The following ANAPC1 variants were observed in gnomAD, a reference collection of about 807,000 sequenced individuals.
ANAPC1 encodes the protein anaphase-promoting complex subunit 1.
ANAPC1 carries 36 observed loss-of-function variants against 208.0 expected under a neutral mutation model. The observed-to-expected ratio is 0.17, with a 90% confidence interval of 0.13 to 0.23. The LOEUF (loss-of-function observed/expected upper bound fraction) is 0.23, where lower values mean the gene tolerates loss of function less well. Among genes scored for constraint, ANAPC1 ranks in the 10% least tolerant of loss-of-function variants. The pLI is 1.00. For synonymous variants in ANAPC1, 378 were observed against 695.2 expected (o/e 0.54, Z 7.18); for missense variants, 942 against 2,011.6 (o/e 0.47, Z 10.17).
intron 47 of ANAPC1, among the ~76,000 whole-genome samples, chr2:111,771,390 G>A (rs1176614052): frequency 1.2e-4 from 18 of 152,172 alleles, no homozygotes; most frequent in South Asian, 2.1e-4. Flanking sequence ...GATTTCTATT[G>A]TTCTCTCCTG....
chr2:111,861,490 G>A (rs34711729), intron 10 of ANAPC1, among the ~76,000 whole-genome samples: 28,482 of 150,914 alleles, frequency 0.19, 2,956 homozygotes, highest in Middle Eastern at 0.3. Context: ...CCCAGCTGCC[G>A]TCTGTGGTCT....
chr2:111,873,431 G>A (rs776994784), intron 4 of ANAPC1, 23 bp from the exon 5 acceptor site: 3 of 1,598,938 alleles, frequency 1.9e-6, no homozygotes, highest in South Asian at 2.2e-5. Context: ...GGTACAACAA[G>A]ACTTATGTGT....
At position 111,879,875 on chromosome 2, in the gene ANAPC1, G is replaced by GA. The variant is rs1333149249; in HGVS notation, c.213+737dup. Among the ~76,000 whole-genome samples, 69 of 143,952 alleles carry GA rather than the reference G, an allele frequency of 4.8e-4. 1 individual carries two copies. Among genetic ancestry groups the GA allele is most frequent in the Admixed American group, 1.5e-3 (22 of 14,472 alleles). 94.4% of individuals were successfully genotyped at this position (143,952 alleles called of 152,430 possible). A position where few individuals can be genotyped will look rare whatever the true frequency, so the allele number is the denominator to read the frequency against. On this transcript the variant is annotated intron_variant, in intron 2 of 47. Transcript: ENST00000341068. ...CAACAAAAGTGAAACTCCGTCTCAG[G>GA]AAAAAAAAAAAGCTATTACTCTACC...
chr2:111,837,549 G>A (rs1680533735), intron 18 of ANAPC1, among the ~76,000 whole-genome samples: 1 of 152,142 alleles, frequency 6.6e-6, no homozygotes, highest in African/African-American at 2.4e-5. Context: ...CAACCCAGGA[G>A]GTGGAGAGCC....
intron 46 of ANAPC1, among the ~76,000 whole-genome samples, chr2:111,774,660 TAAA>T (rs58590453): frequency 0.031 from 138 of 4,458 alleles, 4 homozygotes; most frequent in East Asian, 0.072. Flanking sequence ...TGACAAGTCT[TAAA>T]AAAAAAAAAA....
intron 38 of ANAPC1, among the ~76,000 whole-genome samples, chr2:111,789,806 C>T (rs1161862357): frequency 1.3e-5 from 2 of 152,022 alleles, no homozygotes; most frequent in Admixed American, 6.6e-5. Flanking sequence ...AAAATCAATT[C>T]GATACGAAAG....
intron 38 of ANAPC1, among the ~76,000 whole-genome samples, chr2:111,789,119 A>C (rs200189929): frequency 3.9e-5 from 6 of 152,330 alleles, no homozygotes; most frequent in East Asian, 1.9e-4. Flanking sequence ...GCCTGGGCGA[A>C]AGAGCGAGAC....
At chr2:111,882,020 T>A (rs1015670311) in intron 1 of ANAPC1, among the ~76,000 whole-genome samples, 1 of 152,094 alleles carries the variant, frequency 6.6e-6, no homozygotes, top group South Asian at 2.1e-4. Flanking sequence ...CCATCTCTAC[T>A]AAAAATACAA....
In ANAPC1 at chr2:111,814,891, C is replaced by T. The variant is rs1679154053; in HGVS notation, c.3597+479G>A. Among the ~76,000 whole-genome samples, 3 of 151,714 alleles carry T rather than the reference C, an allele frequency of 2.0e-5. No homozygotes were observed. In the South Asian group the frequency reaches 6.3e-4, roughly 32 times the overall value. Reference sequence around the variant, plus strand: ...CTCTCATTCCTGTTTGGCATGCTCTCTCCTGATTGGTCCTTATCCTTCACC... The same window carrying T: ...CTCTCATTCCTGTTTGGCATGCTCTTTCCTGATTGGTCCTTATCCTTCACC... On this transcript the variant is annotated intron_variant, in intron 28 of 47. Coordinates refer to ENST00000341068, the MANE Select transcript of ANAPC1 (RefSeq NM_022662.4).
chr2:111,874,237 T>G (rs1682907530), intron 3 of ANAPC1, among the ~76,000 whole-genome samples: 1 of 150,588 alleles, frequency 6.6e-6, no homozygotes, highest in African/African-American at 2.5e-5. Context: ...GCATTTTGTG[T>G]TTTTTTTTAA....
intron 39 of ANAPC1, among the ~76,000 whole-genome samples, chr2:111,787,020 G>T (rs1324686689): frequency 1.8e-4 from 26 of 147,960 alleles, no homozygotes; most frequent in African/African-American, 6.5e-4. Context: ...GTGGTGGCAG[G>T]TGCCTGTAGT....
intron 43 of ANAPC1, 69 bp downstream of exon 43, chr2:111,782,300 A>G (rs1327138115): frequency 6.3e-7 from 1 of 1,597,892 alleles, no homozygotes; most frequent in African/African-American, 1.3e-5. Context: ...TTTGAAGTTT[A>G]TAGCAATGGG....
chr2:111,847,462 G>A (rs1681154502), intron 15 of ANAPC1, among the ~76,000 whole-genome samples: 1 of 152,144 alleles, frequency 6.6e-6, no homozygotes, highest in Non-Finnish European at 1.5e-5. Context: ...TACTTTTAAT[G>A]AGAAGACAAA....
At chr2:111,882,833 G>A (rs1221163171) in intron 1 of ANAPC1, among the ~76,000 whole-genome samples, 2 of 151,694 alleles carry the variant, frequency 1.3e-5, no homozygotes, top group Admixed American at 6.6e-5. Flanking sequence ...AATGAGTACT[G>A]GGACACTTGA....
At chr2:111,816,262 T>G (rs184243719) in intron 27 of ANAPC1, among the ~76,000 whole-genome samples, 2,968 of 146,118 alleles carry the variant, frequency 0.02, 64 homozygotes, top group African/African-American at 0.074. Flanking sequence ...AGACTGCATC[T>G]CAAAAAAGAA....
rs1558700221 is a variant in ANAPC1, at chr2:111,831,342, T to C, written c.2569A>G (p.Met857Val). The change falls in exon 21 of 48, where the codon ATG becomes GTG. Residue 857 changes from methionine (M) to valine (V), a missense_variant. Transcript: ENST00000341068. Reference sequence around the variant, plus strand: ...CCAGGGAGGTAAGGATAAGGTGGCATTCCTTCACCCTTCAGACAAGAACTC... The same window carrying C: ...CCAGGGAGGTAAGGATAAGGTGGCACTCCTTCACCCTTCAGACAAGAACTC... ...WVSSCLKGEGMPPYPYLPGIC... is the reference protein window; with the variant it reads ...WVSSCLKGEGVPPYPYLPGIC... The C allele has an allele frequency of 6.2e-7, 1 of 1,611,974 alleles. No individual in the cohort carries two copies. The highest frequency in any genetic ancestry group is 8.5e-7 in the Non-Finnish European group (1 of 1,179,844).
At chr2:111,827,645 C>T (rs2104448732) in intron 21 of ANAPC1, among the ~76,000 whole-genome samples, 1 of 152,194 alleles carries the variant, frequency 6.6e-6, no homozygotes, top group Non-Finnish European at 1.5e-5. Flanking sequence ...GTCCCAGCTA[C>T]TCAGGAGGCC....
At chr2:111,823,380 A>G (rs1407866530) in intron 24 of ANAPC1, among the ~76,000 whole-genome samples, 1 of 152,060 alleles carries the variant, frequency 6.6e-6, no homozygotes, top group Non-Finnish European at 1.5e-5. Context: ...ACTTTGGAAA[A>G]CAGTTGGTAT....
chr2:111,870,941 T>C (rs1402443374), intron 6 of ANAPC1, among the ~76,000 whole-genome samples: 1 of 147,570 alleles, frequency 6.8e-6, no homozygotes, highest in Non-Finnish European at 1.5e-5. Flanking sequence ...ATTTACTAAA[T>C]AGGATGCCTT....
Sources: gnomAD v4.1 joint callset for allele counts (sites outside exome capture counted in the v4.1 genomes callset) on GRCh38, gnomAD v4.1.1 for gene constraint, MANE v1.5 for transcripts, NCBI Gene and HGNC (gene_info 2026-07-23, HGNC 2026-07-21) for gene names.